Variants in CCSER1 observed in about 807,000 individuals in gnomAD.
The protein encoded by CCSER1 is coiled-coil serine rich protein 1, also known as serine-rich coiled-coil domain-containing protein 1.
Under a neutral mutation model 82.0 loss-of-function variants are expected in CCSER1, and 41 were observed. The observed-to-expected ratio is 0.50, with a 90% CI of 0.39 to 0.65. The LOEUF (loss-of-function observed/expected upper bound fraction) is 0.65, where lower values mean the gene tolerates loss of function less well. CCSER1 is among the 30% of genes least tolerant of loss of function. The pLI, the probability that CCSER1 is intolerant of heterozygous loss-of-function variation, is 0.00. For synonymous variants in CCSER1, 414 were observed against 383.9 expected (o/e 1.08, Z -0.92); for missense variants, 1,119 against 1,064.2 (o/e 1.05, Z -0.72).
chr4:91,589,635 C>A (rs931188539), intron 10 of CCSER1, among the ~76,000 whole-genome samples: 2 of 149,228 alleles, frequency 1.3e-5, no homozygotes, highest in South Asian at 2.1e-4. Flanking sequence ...TTTCTGCATT[C>A]CTATGCAAAT....
intron 10 of CCSER1, among the ~76,000 whole-genome samples, chr4:91,089,994 A>G (rs1723784058): frequency 6.6e-6 from 1 of 152,216 alleles, no homozygotes; most frequent in Non-Finnish European, 1.5e-5. Flanking sequence ...AGAACAGTCA[A>G]GACTTGACAG....
chr4:91,538,534 C>A (rs903902090), intron 10 of CCSER1, among the ~76,000 whole-genome samples: 1 of 151,388 alleles, frequency 6.6e-6, no homozygotes, highest in African/African-American at 2.4e-5. Context: ...AGGAAGCCAT[C>A]AAAAATTCAA....
chr4:90,815,701 C>CT, intron 7 of CCSER1, 61 bp from the exon 8 acceptor site: 1 of 1,230,756 alleles, frequency 8.1e-7, no homozygotes, highest in Admixed American at 2.3e-5. Flanking sequence ...GCTGACTTTC[C>CT]TTATCAAGAG....
chr4:90,366,828 C>T (rs1409036431), intron 3 of CCSER1, among the ~76,000 whole-genome samples: 3 of 151,680 alleles, frequency 2.0e-5, no homozygotes, highest in Non-Finnish European at 4.4e-5. Context: ...TCTTAGAAAC[C>T]ATGTGTAGAG....
intron 10 of CCSER1, among the ~76,000 whole-genome samples, chr4:91,147,870 AT>A (rs1457557118): frequency 1.3e-5 from 2 of 152,242 alleles, no homozygotes; most frequent in African/African-American, 4.8e-5. Flanking sequence ...ATATTTTAAG[AT>A]TTTACAGCTA....
intron 5 of CCSER1, among the ~76,000 whole-genome samples, chr4:90,559,550 G>C (rs1778488291): frequency 6.6e-6 from 1 of 152,144 alleles, no homozygotes; most frequent in African/African-American, 2.4e-5. Context: ...GCAGGACATA[G>C]TGGCTCACAC....
chr4:90,787,673 T>A (rs1754701443), intron 7 of CCSER1, among the ~76,000 whole-genome samples: 1 of 152,220 alleles, frequency 6.6e-6, no homozygotes, highest in Non-Finnish European at 1.5e-5. Context: ...ATACTTCTCT[T>A]ACAACTTGAT....
intron 10 of CCSER1, among the ~76,000 whole-genome samples, chr4:91,195,679 T>TA (rs370138100): frequency 6.6e-6 from 1 of 152,150 alleles, no homozygotes; most frequent in African/African-American, 2.4e-5. Context: ...CTTATTAGTT[T>TA]AAAAAAACAA....
chr4:90,365,330 T>G (rs1044417526), intron 3 of CCSER1, among the ~76,000 whole-genome samples: 3 of 151,808 alleles, frequency 2.0e-5, no homozygotes, highest in Non-Finnish European at 4.4e-5. Flanking sequence ...GTGTGTGTAT[T>G]CTAATACCAT....
intron 4 of CCSER1, among the ~76,000 whole-genome samples, chr4:90,459,855 T>C (rs1163062720): frequency 5.3e-5 from 8 of 152,192 alleles, no homozygotes; most frequent in East Asian, 1.9e-4. Context: ...ATATTTGAAG[T>C]GAAGGACACT....
At chr4:90,825,549 GT>G (rs1050731806) in intron 8 of CCSER1, among the ~76,000 whole-genome samples, 1 of 152,022 alleles carries the variant, frequency 6.6e-6, no homozygotes, top group Non-Finnish European at 1.5e-5. Flanking sequence ...GGAAATATGT[GT>G]TTTTTTGTGT....
intron 7 of CCSER1, among the ~76,000 whole-genome samples, chr4:90,802,232 T>G (rs115623558): frequency 1.4e-5 from 2 of 147,762 alleles, no homozygotes; most frequent in African/African-American, 4.9e-5. Flanking sequence ...AAAAATAAAT[T>G]AATTACAAAT....
At chr4:90,496,773 T>C (rs908587172) in intron 5 of CCSER1, among the ~76,000 whole-genome samples, 3 of 151,866 alleles carry the variant, frequency 2.0e-5, no homozygotes, top group African/African-American at 7.2e-5. Flanking sequence ...GGTCAAGAGA[T>C]CAAGACCATC....
chr4:90,483,733 G>T (rs1295925609), intron 5 of CCSER1, among the ~76,000 whole-genome samples: 2 of 152,218 alleles, frequency 1.3e-5, no homozygotes, highest in Non-Finnish European at 2.9e-5. Context: ...AGTTTCTGCT[G>T]AGAGATCAGC....
intron 8 of CCSER1, among the ~76,000 whole-genome samples, chr4:90,888,221 A>T (rs538505774): frequency 6.6e-6 from 1 of 152,310 alleles, no homozygotes; most frequent in Non-Finnish European, 1.5e-5. Context: ...AATTCAAAAA[A>T]ATCAGCTCTA....
intron 7 of CCSER1, among the ~76,000 whole-genome samples, chr4:90,809,730 T>C (rs969243851): frequency 2.4e-5 from 3 of 126,314 alleles, no homozygotes; most frequent in Non-Finnish European, 5.1e-5. Flanking sequence ...AATAATAAGG[T>C]AAAAAAAAAA....
Position 91,172,922 on chromosome 4 carries a change from GA to G in CCSER1, c.2217+86936del, listed in dbSNP as rs541106653. On this transcript the variant is annotated intron_variant, in intron 10 of 10. Coordinates refer to ENST00000509176, the MANE Select transcript of CCSER1 (RefSeq NM_001145065.2). ...AAAATATATTTAAAATACAAAAGTG[GA>G]AAAAAAAGTTGTTTTATCTTTAAAT... Among the ~76,000 whole-genome samples, 673 of 151,868 alleles carry G rather than the reference GA, an allele frequency of 4.4e-3. 6 individuals carry two copies. The highest frequency in any genetic ancestry group is 0.014 in the African/African-American group (568 of 41,464).
intron 1 of CCSER1, among the ~76,000 whole-genome samples, chr4:90,291,133 C>T (rs1560959115): frequency 1.3e-5 from 2 of 151,930 alleles, no homozygotes; most frequent in Admixed American, 1.3e-4. Flanking sequence ...AGTGTTTTTA[C>T]TTGATTGAAA....
At chr4:91,170,492 C>A (rs927043875) in intron 10 of CCSER1, among the ~76,000 whole-genome samples, 4 of 152,108 alleles carry the variant, frequency 2.6e-5, no homozygotes, top group African/African-American at 9.7e-5. Flanking sequence ...AATAACCTCT[C>A]ATAGAAAGGG....
Sources: gnomAD v4.1 joint callset for allele counts (sites outside exome capture counted in the v4.1 genomes callset) on GRCh38, gnomAD v4.1.1 for gene constraint, MANE v1.5 for transcripts, NCBI Gene and HGNC (gene_info 2026-07-23, HGNC 2026-07-21) for gene names.